CKAP5: variants seen among roughly 807,000 people sequenced by gnomAD.
CKAP5 encodes the protein cytoskeleton associated protein 5.
Under a neutral mutation model 232.8 loss-of-function variants are expected in CKAP5, and 27 were observed. That is an observed-to-expected ratio of 0.12 (90% CI 0.09 to 0.16). The LOEUF (loss-of-function observed/expected upper bound fraction) is 0.16, where lower values mean the gene tolerates loss of function less well. Ranked by LOEUF, CKAP5 falls within the 10% of genes least tolerant of loss-of-function variation. The pLI is 1.00. For missense variants in CKAP5, 1,838 were observed against 2,424.7 expected (o/e 0.76, Z 5.08); for synonymous variants, 785 against 841.1 (o/e 0.93, Z 1.16).
intron 1 of CKAP5, chr11:46,826,737 C>A: frequency 6.5e-6 from 1 of 152,934 alleles, no homozygotes; most frequent in South Asian, 2.0e-4. Context: ...GGATGCTTGC[C>A]CTTTGCCCGT....
chr11:46,746,948 C>A (rs1008044837), intron 42 of CKAP5, among the ~76,000 whole-genome samples: 1 of 152,150 alleles, frequency 6.6e-6, no homozygotes, highest in Non-Finnish European at 1.5e-5. Flanking sequence ...CCAGCTGGGG[C>A]AACATGGTGA....
intron 24 of CKAP5, 87 bp from the exon 25 acceptor site, chr11:46,771,069 C>T: frequency 1.7e-6 from 2 of 1,153,052 alleles, no homozygotes; most frequent in Non-Finnish European, 2.5e-6. Context: ...TCATTAGTCT[C>T]AAGCACTGAA....
At chr11:46,808,785 A>T (rs1310470264) in intron 7 of CKAP5, among the ~76,000 whole-genome samples, 3 of 152,162 alleles carry the variant, frequency 2.0e-5, no homozygotes, top group Non-Finnish European at 2.9e-5. Context: ...ACAGCAGCAC[A>T]ATTACAGGAG....
chr11:46,747,588 C>T (rs2065031581), intron 42 of CKAP5, among the ~76,000 whole-genome samples: 1 of 126,672 alleles, frequency 7.9e-6, no homozygotes, highest in Non-Finnish European at 1.6e-5. Flanking sequence ...GGCGAGAGAG[C>T]AAGACTTCAT....
Position 46,767,662 on chromosome 11 carries a change from T to C in CKAP5, c.3324A>G (p.Ala1108=), listed in dbSNP as rs2065213584. ...TGCTGGAAATACAATCTTCAGCAGG[T>C]GCTTTGAGGAAAAAAATATATATAT... is the stretch of plus-strand genomic sequence containing the variant. ...SAPAKFQPAS[A]PAEDCISSST... The change falls in exon 27 of 44, where the codon GCA becomes GCG. Residue 1108 remains alanine, a splice_region_variant and synonymous_variant. Transcript: ENST00000529230. 6.2e-7 allele frequency: 1 copy of C among 1,601,288 alleles called. No individual in the cohort carries two copies. The highest frequency in any genetic ancestry group is 8.5e-7 in the Non-Finnish European group (1 of 1,172,304).
At chr11:46,776,185 T>C (rs2065289584) in intron 24 of CKAP5, 70 bp downstream of exon 24, 10 of 1,323,442 alleles carry the variant, frequency 7.6e-6, no homozygotes, top group Non-Finnish European at 9.3e-6. Flanking sequence ...TGCGTATTTA[T>C]CAGACAGGCC....
chr11:46,833,477 T>C (rs1939840449), intron 1 of CKAP5, among the ~76,000 whole-genome samples: 1 of 148,636 alleles, frequency 6.7e-6, no homozygotes, highest in African/African-American at 2.5e-5. Context: ...TTGTTATTAT[T>C]ATTAATTTTT....
intron 1 of CKAP5, among the ~76,000 whole-genome samples, chr11:46,835,438 C>A (rs1275334372): frequency 1.3e-5 from 2 of 150,812 alleles, no homozygotes; most frequent in Non-Finnish European, 2.9e-5. Context: ...AAAGATGAGC[C>A]TGGAGCATAT....
chr11:46,825,731 A>G (rs1012896407), intron 1 of CKAP5, among the ~76,000 whole-genome samples: 1 of 151,668 alleles, frequency 6.6e-6, no homozygotes, highest in Non-Finnish European at 1.5e-5. Context: ...TTGAATGACC[A>G]CTGAGTGTGA....
chr11:46,839,691 G>A (rs1244094675), intron 1 of CKAP5, among the ~76,000 whole-genome samples: 1 of 152,224 alleles, frequency 6.6e-6, no homozygotes, highest in East Asian at 1.9e-4. Flanking sequence ...CCTACTTCAC[G>A]TAGTACAATC....
chr11:46,765,047 CAAT>C, intron 28 of CKAP5, 81 bp downstream of exon 28: 1 of 1,284,080 alleles, frequency 7.8e-7, no homozygotes, highest in Non-Finnish European at 1.1e-6. Context: ...AGATATTAAA[CAAT>C]AACATGAATT....
chr11:46,744,952 TAG>T (rs1195918594), intron 42 of CKAP5, among the ~76,000 whole-genome samples: 1 of 152,204 alleles, frequency 6.6e-6, no homozygotes, highest in Non-Finnish European at 1.5e-5. Context: ...TTGGAAGAAT[TAG>T]ATTAAGTTTG....
In CKAP5 at chr11:46,762,718, G is replaced by A; in HGVS notation, c.3936C>T (p.Ile1312=). The change falls in exon 31 of 44, where the codon ATC becomes ATT. Residue 1312 remains isoleucine (I), a synonymous_variant. Coordinates refer to ENST00000529230, the MANE Select transcript of CKAP5 (RefSeq NM_001008938.4). The part of the protein sequence containing the change: ...KDVIRKDVRA[I]LNRMCLVYPA... Reference sequence around the variant, plus strand: ...GGTAGACAAGGCACATCCGGTTCAGGATGGCACGAACATCTTTACGAATGA... The same window carrying A: ...GGTAGACAAGGCACATCCGGTTCAGAATGGCACGAACATCTTTACGAATGA... 6.2e-7 allele frequency: 1 copy of A among 1,613,968 alleles called. No homozygotes were observed. The highest frequency in any genetic ancestry group is 8.5e-7 in the Non-Finnish European group (1 of 1,179,860).
At position 46,753,288 on chromosome 11, in the gene CKAP5, T is replaced by C. The variant is rs777829660; in HGVS notation, c.5057+22A>G. 23 of 1,567,048 alleles carry C rather than the reference T, an allele frequency of 1.5e-5. No homozygotes were observed. The South Asian group carries it at 2.3e-4, about 16-fold the overall frequency. On this transcript the variant is annotated intron_variant, in intron 37 of 43. Coordinates refer to ENST00000529230, the MANE Select transcript of CKAP5 (RefSeq NM_001008938.4). ...AAAAGCGAGGATGCCCCAGGCTCTA[T>C]TGGCTGAGAGTACAGATATACCTCA...
intron 8 of CKAP5, among the ~76,000 whole-genome samples, chr11:46,804,300 T>G (rs1466733867): frequency 6.6e-6 from 1 of 152,220 alleles, no homozygotes. Context: ...TGACACTCAT[T>G]GTTTATTCCC....
At chr11:46,809,680 T>TTC in intron 6 of CKAP5, 62 bp downstream of exon 6, 1 of 1,590,064 alleles carries the variant, frequency 6.3e-7, no homozygotes. Context: ...TGAACACAGA[T>TTC]TCTCATGGCA....
chr11:46,784,466 A>G (rs1329000349), intron 17 of CKAP5, 22 bp downstream of exon 17: 7 of 1,582,858 alleles, frequency 4.4e-6, no homozygotes, highest in East Asian at 4.5e-5. Flanking sequence ...AACTAGAGGA[A>G]TAAGACTTCT....
chr11:46,809,286 G>A (rs1939223886), intron 7 of CKAP5, 114 bp downstream of exon 7: 4 of 665,612 alleles, frequency 6.0e-6, no homozygotes, highest in Non-Finnish European at 5.3e-6. Context: ...ACTCTACTAG[G>A]GAAGATATGG....
At chr11:46,822,883 C>A (rs1424429643) in intron 1 of CKAP5, among the ~76,000 whole-genome samples, 2 of 151,920 alleles carry the variant, frequency 1.3e-5, no homozygotes, top group African/African-American at 2.4e-5. Context: ...CCTGAATGAA[C>A]CTTTATACAT....
Sources: gnomAD v4.1 joint callset for allele counts (sites outside exome capture counted in the v4.1 genomes callset) on GRCh38, gnomAD v4.1.1 for gene constraint, MANE v1.5 for transcripts, NCBI Gene and HGNC (gene_info 2026-07-23, HGNC 2026-07-21) for gene names.